The following PRH1 variants were observed in gnomAD, a reference collection of about 807,000 sequenced individuals.
PRH1 encodes salivary acidic proline-rich phosphoprotein 1/2.
Under a neutral mutation model 7.9 loss-of-function variants are expected in PRH1, and 7 were observed. The observed-to-expected ratio is 0.89, with a 90% confidence interval of 0.50 to 1.67. PRH1 has a LOEUF of 1.67. Ranked by LOEUF, PRH1 falls within the 40% of genes most tolerant of loss-of-function variation. The pLI, the probability that PRH1 is intolerant of heterozygous loss-of-function variation, is 0.00. For synonymous variants in PRH1, 45 were observed against 80.8 expected, an observed-to-expected ratio of 0.56 and a Z score of 2.38; for missense variants, 109 against 223.6, an observed-to-expected ratio of 0.49 and a Z score of 3.27.
intron 1 of PRH1, chr12:10,986,872 A>C: frequency 6.7e-7 from 1 of 1,485,414 alleles, no homozygotes. Flanking sequence ...TCTGAGCAGA[A>C]AAAAAGAAAG....
At chr12:11,038,184 A>G (rs2136117583) in intron 1 of PRH1, among the ~76,000 whole-genome samples, 1 of 152,404 alleles carries the variant, frequency 6.6e-6, no homozygotes, top group South Asian at 2.1e-4. Context: ...ACTTAGAAAT[A>G]TACTTTATGT....
At chr12:11,031,049 T>G (rs1371076973) in intron 1 of PRH1, 1 of 1,614,310 alleles carries the variant, frequency 6.2e-7, no homozygotes, top group Non-Finnish European at 8.5e-7. Context: ...AGCAAGCCAG[T>G]TGCTGAAATG....
chr12:11,002,506 T>C (rs909371218), intron 1 of PRH1, among the ~76,000 whole-genome samples: 20 of 152,114 alleles, frequency 1.3e-4, no homozygotes, highest in African/African-American at 4.8e-4. Context: ...GTATTCTCCT[T>C]TGGGCTGTTT....
chr12:10,925,095 T>C (rs897155233), intron 2 of PRH1, among the ~76,000 whole-genome samples: 3 of 152,204 alleles, frequency 2.0e-5, no homozygotes. Flanking sequence ...TGGATTCAAC[T>C]GTAAAAGTGG....
intron 1 of PRH1, among the ~76,000 whole-genome samples, chr12:11,143,777 T>C (rs1431546118): frequency 2.0e-5 from 3 of 151,772 alleles, no homozygotes; most frequent in African/African-American, 4.8e-5. Context: ...CGAAAGGATA[T>C]AACAATTGTA....
At chr12:11,120,856 T>G (rs1477561162) in exon 2 of PRH1, 3 of 152,970 alleles carry the variant, frequency 2.0e-5, no homozygotes, top group Non-Finnish European at 2.9e-5. Context: ...CCACAGATTC[T>G]GAATTACAGA....
intron 1 of PRH1, among the ~76,000 whole-genome samples, chr12:11,157,250 T>C (rs891951825): frequency 6.6e-6 from 1 of 152,198 alleles, no homozygotes; most frequent in Non-Finnish European, 1.5e-5. Flanking sequence ...CAGACTCTTA[T>C]TACATGAAAA....
intron 2 of PRH1, among the ~76,000 whole-genome samples, chr12:10,921,835 T>C (rs947902064): frequency 9.2e-5 from 14 of 152,208 alleles, no homozygotes; most frequent in African/African-American, 3.4e-4. Flanking sequence ...GGTGCGATCT[T>C]GGCTCACTGT....
intron 1 of PRH1, among the ~76,000 whole-genome samples, chr12:10,990,172 C>T (rs139251644): frequency 2.1e-4 from 32 of 152,210 alleles, no homozygotes; most frequent in African/African-American, 6.7e-4. Context: ...CAAATCCACA[C>T]CTATAGAGAA....
At chr12:10,917,616 G>A (rs1333900071) in intron 2 of PRH1, among the ~76,000 whole-genome samples, 2 of 152,224 alleles carry the variant, frequency 1.3e-5, no homozygotes, top group African/African-American at 2.4e-5. Context: ...ATGCAGTTAC[G>A]GACAGTTTTC....
chr12:11,125,199 C>T (rs534145114), intron 1 of PRH1, among the ~76,000 whole-genome samples: 174 of 152,366 alleles, frequency 1.1e-3, no homozygotes, highest in African/African-American at 2.2e-3. Flanking sequence ...CATAATATTT[C>T]GTCAAGAATA....
At chr12:11,147,389 G>C (rs1029265161) in intron 1 of PRH1, among the ~76,000 whole-genome samples, 9 of 151,950 alleles carry the variant, frequency 5.9e-5, no homozygotes, top group East Asian at 1.9e-4. Context: ...GGTTTCACCA[G>C]GTTTCCCAGG....
At chr12:11,038,618 T>G (rs1216540678) in intron 1 of PRH1, among the ~76,000 whole-genome samples, 1 of 152,264 alleles carries the variant, frequency 6.6e-6, no homozygotes, top group Non-Finnish European at 1.5e-5. Flanking sequence ...GTCAGTCTTG[T>G]TTGTTAATTT....
intron 1 of PRH1, among the ~76,000 whole-genome samples, chr12:11,056,482 T>G (rs1159132836): frequency 6.6e-6 from 1 of 152,174 alleles, no homozygotes; most frequent in Non-Finnish European, 1.5e-5. Context: ...GGTATAGCTA[T>G]GATCTGAGAC....
At chr12:10,886,311 T>C (rs1435774299), upstream of PRH1, among the ~76,000 whole-genome samples, 1 of 152,124 alleles carries the variant, frequency 6.6e-6, no homozygotes, top group Non-Finnish European at 1.5e-5. Flanking sequence ...AGATATTGCC[T>C]GATGATGTGG....
chr12:11,036,019 G>A lies in PRH1; in HGVS notation c.-126+11001C>T, dbSNP rs559774060. On this transcript the variant is annotated intron_variant, in intron 1 of 3. Coordinates refer to the PRH1 transcript ENST00000539853. ...CGCCATTCTCCTGCCTCAGCCTCCG[G>A]AGTAGCTGGGACTACAGGAGCCTGC... 9.2e-5 allele frequency among the ~76,000 whole-genome samples: 14 copies of A among 152,192 alleles called. No homozygotes were observed. The East Asian group carries it at 2.5e-3, about 27-fold the overall frequency.
At chr12:10,995,626 T>G (rs1384612488) in intron 1 of PRH1, among the ~76,000 whole-genome samples, 1 of 152,154 alleles carries the variant, frequency 6.6e-6, no homozygotes, top group Non-Finnish European at 1.5e-5. Context: ...GAGCTTCTTT[T>G]TAAAGTAAGG....
chr12:11,152,659 G>A (rs754351327), intron 1 of PRH1, among the ~76,000 whole-genome samples: 11 of 152,146 alleles, frequency 7.2e-5, no homozygotes, highest in Non-Finnish European at 1.5e-4. Context: ...CCCTTTAATA[G>A]TATTACTCAC....
chr12:11,116,998 T>A (rs1016697176), downstream of PRH1, among the ~76,000 whole-genome samples: 1 of 152,102 alleles, frequency 6.6e-6, no homozygotes, highest in African/African-American at 2.4e-5. Context: ...GGCTTTCCTC[T>A]AAGATCTGGA....
Sources: allele counts gnomAD v4.1 joint callset (sites outside exome capture counted in the v4.1 genomes callset), GRCh38; gene constraint gnomAD v4.1.1; transcripts MANE v1.5; gene names NCBI Gene and HGNC (gene_info 2026-07-23, HGNC 2026-07-21).